The following TTC39A variants were observed in gnomAD, a reference collection of about 807,000 sequenced individuals.
TTC39A encodes the protein tetratricopeptide repeat domain 39A.
In TTC39A, 46 loss-of-function variants were observed where a neutral mutation model predicts 82.3. That is an observed-to-expected ratio of 0.56 (90% CI 0.44 to 0.71). TTC39A has a LOEUF of 0.71. Among genes scored for constraint, TTC39A ranks in the 30% least tolerant of loss-of-function variants. The pLI is 0.00. For missense variants in TTC39A, 543 were observed against 712.9 expected (o/e 0.76, Z 2.71); for synonymous variants, 254 against 275.2 (o/e 0.92, Z 0.76).
chr1:51,309,217 G>A (rs768124534), intron 6 of TTC39A, 44 bp downstream of exon 6: 8 of 1,564,190 alleles, frequency 5.1e-6, no homozygotes, highest in Non-Finnish European at 6.9e-6. Flanking sequence ...AGCAGATGCT[G>A]TGGCCCAGGG....
chr1:51,330,516 C>A lies in TTC39A; in HGVS notation c.-39G>T. ...GGGCGGCGCTGCCCCAGCCGGACGC[C>A]AATCGCGGCCCAGGTGCTGCCGCCG... On this transcript the variant is annotated 5_prime_UTR_variant, in exon 1 of 18. Coordinates refer to ENST00000680483, the MANE Select transcript of TTC39A (RefSeq NM_001297663.2). The surrounding 1 kb of genome is among the most constrained non-coding windows in gnomAD (Gnocchi z 4.5). 1 of 983,728 alleles carries A rather than the reference C, an allele frequency of 1.0e-6. No homozygotes were observed. The highest frequency in any genetic ancestry group is 4.6e-5 in the South Asian group (1 of 21,882). The allele number at this position is 983,728 out of a possible 1,614,324, so 60.9% of individuals were successfully genotyped here.
At chr1:51,328,005 A>G (rs1343874894) in intron 1 of TTC39A, among the ~76,000 whole-genome samples, 1 of 152,110 alleles carries the variant, frequency 6.6e-6, no homozygotes, top group Non-Finnish European at 1.5e-5. Flanking sequence ...CTTTACCATC[A>G]TTTCTTGATC....
rs748980683 is a variant in TTC39A, at chr1:51,294,425, G to A, written c.1232C>T (p.Ser411Phe). 2 of 1,614,020 alleles carry A rather than the reference G, an allele frequency of 1.2e-6. No homozygotes were observed. ...CACTGGCAGCGAGATAGGGTTGGAG[G>A]AGAAGTAGCGCCGGGACTTCCGGAT... The part of the protein sequence containing the change: ...FAIRKSRRYF[S>F]SNPISLPVPA... The change falls in exon 14 of 18, where the codon TCC becomes TTC. Residue 411 changes from serine (S) to phenylalanine (F), a missense_variant. By Grantham distance (155) the Ser-to-Phe change is radical (BLOSUM62 -2). Coordinates refer to ENST00000680483, the MANE Select transcript of TTC39A (RefSeq NM_001297663.2). This position sits in a 1 kb window ranked among gnomAD's most constrained non-coding sequence, Gnocchi z 4.3.
At chr1:51,312,769 G>C (rs1173134612) in intron 3 of TTC39A, 43 bp downstream of exon 3, 1 of 1,599,656 alleles carries the variant, frequency 6.3e-7, no homozygotes, top group South Asian at 1.1e-5. Flanking sequence ...TGACAGCAGG[G>C]TGGGCCTCCC....
At position 51,326,515 on chromosome 1, in the gene TTC39A, C is replaced by T. The variant is rs578174309; in HGVS notation, c.41+3922G>A. Among the ~76,000 whole-genome samples, 28 of 152,288 alleles carry T rather than the reference C, an allele frequency of 1.8e-4. No homozygotes were observed. In the South Asian group the frequency reaches 5.0e-3, roughly 27 times the overall value. On this transcript the variant is annotated intron_variant, in intron 1 of 17. Coordinates refer to ENST00000680483, the MANE Select transcript of TTC39A (RefSeq NM_001297663.2). ...TCCGCCCCATTTGACTTAATAATAGCATTAACAACCAACCACCCATCGCCA... is the reference window on the plus strand; with the variant it reads ...TCCGCCCCATTTGACTTAATAATAGTATTAACAACCAACCACCCATCGCCA...
chr1:51,328,263 C>T (rs570166372), intron 1 of TTC39A, among the ~76,000 whole-genome samples: 2 of 152,160 alleles, frequency 1.3e-5, no homozygotes, highest in East Asian at 1.9e-4. Context: ...GGGGCACCCT[C>T]GTGAAACACA....
intron 2 of TTC39A, among the ~76,000 whole-genome samples, chr1:51,317,156 G>A (rs2148255122): frequency 6.6e-6 from 1 of 152,306 alleles, no homozygotes; most frequent in Non-Finnish European, 1.5e-5. Context: ...AGAGAAAGAG[G>A]AGCACCATCC....
rs149296733 is a variant in TTC39A, at chr1:51,322,280, C to T, written c.42-455G>A. On this transcript the variant is annotated intron_variant, in intron 1 of 17. Transcript: ENST00000680483. The stretch of plus-strand genomic sequence containing the variant: ...CAGGCCTGGACTCTAGAATCCCTGA[C>T]GTTGTCACAATGGGCTGTCACACTA... 5,590 of 1,439,930 alleles carry T rather than the reference C, an allele frequency of 3.9e-3. 21 individuals carry two copies. The highest frequency in any genetic ancestry group is 4.5e-3 in the Non-Finnish European group (4,905 of 1,093,808). The allele number at this position is 1,439,930 out of a possible 1,614,324, so 89.2% of individuals were successfully genotyped here.
chr1:51,330,798 C>T (rs907128329), upstream of TTC39A: 3 of 411,812 alleles, frequency 7.3e-6, no homozygotes, highest in East Asian at 5.3e-5. This position sits in a 1 kb window ranked among gnomAD's most constrained non-coding sequence, Gnocchi z 4.5. Context: ...CCTCACACGT[C>T]CCCACCTATT....
chr1:51,341,632 G>C (rs1014283331), intron 1 of TTC39A, among the ~76,000 whole-genome samples: 2 of 152,090 alleles, frequency 1.3e-5, no homozygotes, highest in Admixed American at 6.6e-5. Context: ...TCTCACACTA[G>C]AGCCCTCTCC....
intron 1 of TTC39A, among the ~76,000 whole-genome samples, chr1:51,340,140 A>C (rs945312558): frequency 3.2e-4 from 49 of 152,216 alleles, no homozygotes; most frequent in African/African-American, 1.2e-3. Flanking sequence ...ACTGTGAGAA[A>C]TACATTTCTG....
At chr1:51,310,392 G>A (rs917662311) in intron 5 of TTC39A, among the ~76,000 whole-genome samples, 2 of 152,232 alleles carry the variant, frequency 1.3e-5, no homozygotes, top group Admixed American at 6.5e-5. Flanking sequence ...GTGTTGGTGG[G>A]TGTTCATTAT....
upstream of TTC39A, chr1:51,331,459 AAAG>A: frequency 1.4e-6 from 2 of 1,385,696 alleles, no homozygotes; most frequent in Non-Finnish European, 1.9e-6. Flanking sequence ...GTCCCTTCAC[AAAG>A]GAGGGGACAG....
At chr1:51,334,084 C>T (rs1645944367), upstream of TTC39A, among the ~76,000 whole-genome samples, 2 of 151,242 alleles carry the variant, frequency 1.3e-5, no homozygotes, top group African/African-American at 4.9e-5. Context: ...ATAAGCTGAG[C>T]ATGGTGGCTC....
intron 9 of TTC39A, among the ~76,000 whole-genome samples, 156 bp downstream of exon 9, chr1:51,302,928 G>T (rs1313400647): frequency 6.6e-6 from 1 of 152,212 alleles, no homozygotes; most frequent in African/African-American, 2.4e-5. Context: ...GTGGGCGTCA[G>T]CAGGCCAGTC....
chr1:51,330,739 G>T (rs1460601763), upstream of TTC39A: 2 of 605,012 alleles, frequency 3.3e-6, no homozygotes, highest in Non-Finnish European at 4.3e-6. This position sits in a 1 kb window ranked among gnomAD's most constrained non-coding sequence, Gnocchi z 4.5. Flanking sequence ...ACAGGTGAGA[G>T]CCCGGCGCCC....
At position 51,303,171 on chromosome 1, in the gene TTC39A, C is replaced by T. The variant is rs753565573; in HGVS notation, c.676G>A (p.Glu226Lys). The T allele has an allele frequency of 1.9e-5, 30 of 1,572,904 alleles. No homozygotes were observed. ...AAGCTGTGCCCTGACGCTCCCTCCTCCAGCTGCAGCAGCCCATAGTCCTGA... is the reference window on the plus strand; with the variant it reads ...AAGCTGTGCCCTGACGCTCCCTCCTTCAGCTGCAGCAGCCCATAGTCCTGA... ...GNKDYGLLQL[E>K]EGASGHSFRS... The change falls in exon 9 of 18, where the codon GAG becomes AAG. Residue 226 changes from glutamate to lysine, a missense_variant. By Grantham distance (56) the Glu-to-Lys change is moderately conservative. Transcript: ENST00000680483.
At chr1:51,305,173 G>A (rs749447666) in intron 7 of TTC39A, 27 bp from the exon 8 acceptor site, 12 of 1,611,952 alleles carry the variant, frequency 7.4e-6, no homozygotes, top group East Asian at 6.7e-5. Flanking sequence ...AATCAAGCCT[G>A]TGAAGGTACC....
chr1:51,287,625 C>T lies in TTC39A; in HGVS notation c.*532G>A, dbSNP rs72904276. 3,207 of 154,802 alleles carry T rather than the reference C, an allele frequency of 0.021. 95 individuals are homozygous for T. The highest frequency in any genetic ancestry group is 0.065 in the African/African-American group (2,695 of 41,600). The allele number at this position is 154,802 out of a possible 1,614,324, so 9.6% of individuals were successfully genotyped here. On this transcript the variant is annotated 3_prime_UTR_variant, in exon 18 of 18. Coordinates refer to ENST00000680483, the MANE Select transcript of TTC39A (RefSeq NM_001297663.2). ...GGGTGTCTGTGTACATCCTCATGCC[C>T]AACCCCAGAAGCATTGAAGCCTGAG...
Sources: gnomAD v4.1 joint callset for allele counts (sites outside exome capture counted in the v4.1 genomes callset) on GRCh38, gnomAD v4.1.1 for gene constraint, Gnocchi (gnomAD v3.1) non-coding constraint, MANE v1.5 for transcripts, NCBI Gene and HGNC (gene_info 2026-07-23, HGNC 2026-07-21) for gene names.